SPPL3: variants seen among roughly 807,000 people sequenced by gnomAD.
The protein encoded by SPPL3 is signal peptide peptidase like 3.
In SPPL3, 5 loss-of-function variants were observed where a neutral mutation model predicts 42.4. The ratio of observed to expected loss-of-function variants is 0.12; its 90% confidence interval spans 0.06 to 0.25. The LOEUF is 0.25. Among genes scored for constraint, SPPL3 ranks in the 10% least tolerant of loss-of-function variants. The pLI, the probability that SPPL3 is intolerant of heterozygous loss-of-function variation, is 1.00. For missense variants in SPPL3, 235 were observed against 489.0 expected (o/e 0.48, Z 4.90); for synonymous variants, 195 against 181.8 (o/e 1.07, Z -0.58).
At chr12:120,819,384 T>C (rs1373664468) in intron 1 of SPPL3, among the ~76,000 whole-genome samples, 2 of 152,226 alleles carry the variant, frequency 1.3e-5, no homozygotes, top group African/African-American at 2.4e-5. Flanking sequence ...CTTTTCATTA[T>C]ACAATATCTG....
chr12:120,780,811 G>A (rs1869507615), intron 6 of SPPL3, among the ~76,000 whole-genome samples: 1 of 151,832 alleles, frequency 6.6e-6, no homozygotes, highest in South Asian at 2.1e-4. Flanking sequence ...TACTTGGGAG[G>A]CTGAGGCAGA....
intron 6 of SPPL3, among the ~76,000 whole-genome samples, chr12:120,774,682 C>T (rs1260337244): frequency 2.6e-5 from 4 of 151,932 alleles, no homozygotes; most frequent in African/African-American, 7.3e-5. Context: ...CAAGCAATGT[C>T]GTATTCCCAG....
chr12:120,792,847 A>G (rs1869967384), intron 2 of SPPL3, among the ~76,000 whole-genome samples: 1 of 152,146 alleles, frequency 6.6e-6, no homozygotes, highest in South Asian at 2.1e-4. Context: ...GACTTCTAAA[A>G]CTATACAGCT....
At chr12:120,876,808 T>TACACACACACACAC (rs71076677) in intron 1 of SPPL3, among the ~76,000 whole-genome samples, 15 of 146,592 alleles carry the variant, frequency 1.0e-4, no homozygotes, top group African/African-American at 3.8e-4. Flanking sequence ...GAGAAACACA[T>TACACACACACACAC]ACACACACAC....
At chr12:120,875,624 CA>C (rs60385982) in intron 1 of SPPL3, among the ~76,000 whole-genome samples, 1,281 of 103,448 alleles carry the variant, frequency 0.012, 12 homozygotes, top group African/African-American at 0.031. Context: ...GACTCCATTT[CA>C]AAAAAAAAAA....
Position 120,904,319 on chromosome 12 carries a change from C to A in SPPL3, c.-452G>T, listed in dbSNP as rs1041339904. 7 of 163,648 alleles carry A rather than the reference C, an allele frequency of 4.3e-5. No homozygotes were observed. The highest frequency in any genetic ancestry group is 9.1e-5 in the Non-Finnish European group (7 of 76,772). The allele number at this position is 163,648 out of a possible 1,614,324, so 10.1% of individuals were successfully genotyped here. A position where few individuals can be genotyped will look rare whatever the true frequency, so the allele number is the denominator to read the frequency against. On this transcript the variant is annotated 5_prime_UTR_variant, in exon 1 of 11. Coordinates refer to ENST00000353487, the MANE Select transcript of SPPL3 (RefSeq NM_139015.5). Reference sequence around the variant, plus strand: ...GGCGGCGACTGAGGGGGGCGCTAGGCGATGAGGCGAGGCCACTCGATCACA... The same window carrying A: ...GGCGGCGACTGAGGGGGGCGCTAGGAGATGAGGCGAGGCCACTCGATCACA...
In SPPL3 at chr12:120,903,813, C is replaced by A. The variant is rs1034363146; in HGVS notation, c.23+32G>T. 8.9e-5 allele frequency: 130 copies of A among 1,457,434 alleles called. 1 individual carries two copies. The highest frequency in any genetic ancestry group is 1.2e-4 in the Non-Finnish European group (129 of 1,110,692). The allele number at this position is 1,457,434 out of a possible 1,614,324, so 90.3% of individuals were successfully genotyped here. A position where few individuals can be genotyped will look rare whatever the true frequency, so the allele number is the denominator to read the frequency against. On this transcript the variant is annotated intron_variant, in intron 1 of 10. Transcript: ENST00000353487. Reference sequence around the variant, plus strand: ...CCGGCGCCCCGACCCCCACCCTTGCCGCCTCCCGGCCTCCCGGAGCCCCGC... The same window carrying A: ...CCGGCGCCCCGACCCCCACCCTTGCAGCCTCCCGGCCTCCCGGAGCCCCGC...
intron 1 of SPPL3, among the ~76,000 whole-genome samples, chr12:120,878,770 C>G (rs1873188034): frequency 6.6e-6 from 1 of 152,080 alleles, no homozygotes; most frequent in African/African-American, 2.4e-5. Flanking sequence ...CTTACCATAT[C>G]ATACACACTG....
At chr12:120,804,797 A>T (rs892264146) in intron 2 of SPPL3, among the ~76,000 whole-genome samples, 1 of 152,320 alleles carries the variant, frequency 6.6e-6, no homozygotes, top group African/African-American at 2.4e-5. Context: ...CTTGTACACA[A>T]ATGTTCACAG....
intron 1 of SPPL3, among the ~76,000 whole-genome samples, chr12:120,829,643 C>G (rs191657625): frequency 1.3e-5 from 2 of 151,792 alleles, no homozygotes; most frequent in African/African-American, 4.8e-5. Flanking sequence ...AGACACTGGT[C>G]AAGAAAATGA....
Position 120,839,430 on chromosome 12 carries a change from G to A in SPPL3, c.24-28544C>T, listed in dbSNP as rs375688727. Among the ~76,000 whole-genome samples the A allele has an allele frequency of 4.0e-5, 6 of 151,296 alleles. No individual in the cohort carries two copies. The East Asian group carries it at 9.7e-4, about 25-fold the overall frequency. On this transcript the variant is annotated intron_variant, in intron 1 of 10. Coordinates refer to ENST00000353487, the MANE Select transcript of SPPL3 (RefSeq NM_139015.5). Reference sequence around the variant, plus strand: ...GCTAAATGACGAGTTAATGGGTGCAGGACACCAGCATGGCACATGTATACA... The same window carrying A: ...GCTAAATGACGAGTTAATGGGTGCAAGACACCAGCATGGCACATGTATACA...
intron 1 of SPPL3, among the ~76,000 whole-genome samples, chr12:120,861,070 A>G (rs1782828834): frequency 6.6e-6 from 1 of 152,216 alleles, no homozygotes; most frequent in South Asian, 2.1e-4. Context: ...ACGCTATATA[A>G]ATACCTGTTT....
At position 120,851,818 on chromosome 12, in the gene SPPL3, G is replaced by A. The variant is rs538426595; in HGVS notation, c.24-40932C>T. Among the ~76,000 whole-genome samples the A allele has an allele frequency of 7.2e-5, 11 of 152,218 alleles. No homozygotes were observed. The South Asian group carries it at 2.3e-3, about 32-fold the overall frequency. On this transcript the variant is annotated intron_variant, in intron 1 of 10. Coordinates refer to ENST00000353487, the MANE Select transcript of SPPL3 (RefSeq NM_139015.5). ...AGGGTTTCACCACATTGCCTAGGCTGGACTTGAACTCCTGGGCTCAAGCGA... is the reference window on the plus strand; with the variant it reads ...AGGGTTTCACCACATTGCCTAGGCTAGACTTGAACTCCTGGGCTCAAGCGA...
Position 120,784,565 on chromosome 12 carries a change from A to G in SPPL3, c.219T>C (p.Ala73=). Reference sequence around the variant, plus strand: ...CAGATGCTCCAATTGGAAGGAACAGAGCCTGGGTAGAGTCAATTGTTTGGA... The same window carrying G: ...CAGATGCTCCAATTGGAAGGAACAGGGCCTGGGTAGAGTCAATTGTTTGGA... ...NSIQTIDSTQ[A]LFLPIGASVS... The change falls in exon 4 of 11, where the codon GCT becomes GCC. Residue 73 remains alanine, a synonymous_variant. Transcript: ENST00000353487. 7 of 1,611,118 alleles carry G rather than the reference A, an allele frequency of 4.3e-6. No homozygotes were observed. Among genetic ancestry groups the G allele is most frequent in the Non-Finnish European group, 5.1e-6 (6 of 1,178,994 alleles).
intron 3 of SPPL3, 60 bp from the exon 4 acceptor site, chr12:120,784,653 A>G: frequency 7.2e-7 from 1 of 1,387,990 alleles, no homozygotes. Flanking sequence ...GTGCCTATGC[A>G]CTTCATATAC....
In SPPL3 at chr12:120,818,868, AT is replaced by A. The variant is rs201437165; in HGVS notation, c.24-7983del. On this transcript the variant is annotated intron_variant, in intron 1 of 10. Coordinates refer to ENST00000353487, the MANE Select transcript of SPPL3 (RefSeq NM_139015.5). ...ACCATTACATGTTAACATAAATAAC[AT>A]TTTTTAAAGGGCAAATATCTATTTT... Among the ~76,000 whole-genome samples, 834 of 152,370 alleles carry A rather than the reference AT, an allele frequency of 5.5e-3. 16 individuals carry two copies. The highest frequency in any genetic ancestry group is 0.041 in the Admixed American group (627 of 15,308).
At chr12:120,877,552 G>T (rs560775142) in intron 1 of SPPL3, among the ~76,000 whole-genome samples, 1 of 152,174 alleles carries the variant, frequency 6.6e-6, no homozygotes, top group Admixed American at 6.5e-5. Context: ...AGGCCGAGGC[G>T]GGTGGATCAC....
intron 1 of SPPL3, among the ~76,000 whole-genome samples, chr12:120,823,865 T>A (rs572471620): frequency 6.9e-6 from 1 of 145,842 alleles, no homozygotes; most frequent in Admixed American, 7.6e-5. Context: ...ATTCACTCTA[T>A]CACAAAGACA....
chr12:120,829,814 TA>T (rs1384011187), intron 1 of SPPL3, among the ~76,000 whole-genome samples: 1 of 151,992 alleles, frequency 6.6e-6, no homozygotes, highest in East Asian at 1.9e-4. Flanking sequence ...GCCACCATGG[TA>T]AAACCCTGTT....
Sources: gnomAD v4.1 joint callset for allele counts (sites outside exome capture counted in the v4.1 genomes callset) on GRCh38, gnomAD v4.1.1 for gene constraint, MANE v1.5 for transcripts, NCBI Gene and HGNC (gene_info 2026-07-23, HGNC 2026-07-21) for gene names.